ABCG1: variants seen among roughly 807,000 people sequenced by gnomAD.
ABCG1 encodes ATP binding cassette subfamily G member 1.
A neutral mutation model predicts 69.2 loss-of-function variants in ABCG1; 29 were observed. The ratio of observed to expected loss-of-function variants is 0.42; its 90% confidence interval spans 0.31 to 0.57. The LOEUF (loss-of-function observed/expected upper bound fraction) is 0.57. ABCG1 is among the 20% of genes least tolerant of loss of function. The pLI is 0.15. For synonymous variants in ABCG1, 370 were observed against 374.8 expected (o/e 0.99, Z 0.15); for missense variants, 718 against 898.1 (o/e 0.80, Z 2.56).
At position 42,294,965 on chromosome 21, in the gene ABCG1, C is replaced by G; in HGVS notation, c.1772+305C>G. 8.8e-6 allele frequency: 3 copies of G among 342,134 alleles called. No individual in the cohort carries two copies. The South Asian group carries it at 9.1e-5, about 10-fold the overall frequency. 21.2% of individuals were successfully genotyped at this position (342,134 alleles called of 1,614,324 possible). On this transcript the variant is annotated intron_variant, in intron 14 of 14. Coordinates refer to ENST00000398449, the MANE Select transcript of ABCG1 (RefSeq NM_016818.3). ...TGGAAGCGCTTCCATCTTTTAGGAA[C>G]GTTCTTCCTCCCCGAAGTGCCGAGT...
intron 2 of ABCG1, among the ~76,000 whole-genome samples, chr21:42,268,238 C>G (rs1469157322): frequency 2.0e-5 from 3 of 152,084 alleles, no homozygotes; most frequent in Non-Finnish European, 4.4e-5. Context: ...CTGAGCAGAG[C>G]TCAGGGGTGG....
intron 5 of ABCG1, among the ~76,000 whole-genome samples, chr21:42,278,370 T>C (rs546061230): frequency 1.3e-5 from 2 of 152,278 alleles, no homozygotes; most frequent in African/African-American, 4.8e-5. Context: ...ATGGCCTGAA[T>C]TCCCCCCAAA....
At chr21:42,212,963 G>A (rs1029422696), upstream of ABCG1, among the ~76,000 whole-genome samples, 2 of 152,210 alleles carry the variant, frequency 1.3e-5, no homozygotes, top group Non-Finnish European at 2.9e-5. Flanking sequence ...AAAGTGCTGG[G>A]ATTACAGGCA....
At chr21:42,237,380 C>T (rs1043770053) in intron 2 of ABCG1, among the ~76,000 whole-genome samples, 2 of 152,232 alleles carry the variant, frequency 1.3e-5, no homozygotes, top group African/African-American at 4.8e-5. Context: ...TTGGGCCACT[C>T]TCTCTACCAA....
chr21:42,294,674 G>C lies in ABCG1; in HGVS notation c.1772+14G>C, dbSNP rs1329141673. On this transcript the variant is annotated intron_variant, in intron 14 of 14. Coordinates refer to ENST00000398449, the MANE Select transcript of ABCG1 (RefSeq NM_016818.3). ...CTCCTATGTCAGGTAGCGGGCGTGG[G>C]GCACGCATGGCGTGGGGACCGAGGG... The C allele has an allele frequency of 6.2e-7, 1 of 1,609,210 alleles. No individual in the cohort carries two copies. Among genetic ancestry groups the C allele is most frequent in the Non-Finnish European group, 8.5e-7 (1 of 1,175,628 alleles).
chr21:42,203,247 T>A (rs151070948), intron 2 of ABCG1, among the ~76,000 whole-genome samples: 53 of 152,348 alleles, frequency 3.5e-4, no homozygotes, highest in African/African-American at 1.2e-3. Flanking sequence ...TATTTTCTCC[T>A]GGTCTGTTAT....
intron 2 of ABCG1, among the ~76,000 whole-genome samples, chr21:42,227,694 C>A (rs1478629820): frequency 6.6e-6 from 1 of 152,206 alleles, no homozygotes; most frequent in Non-Finnish European, 1.5e-5. Context: ...CTATAAAGAA[C>A]TACCTGAGAC....
Position 42,288,080 on chromosome 21 carries a change from C to A in ABCG1, c.1122+43C>A. 1 of 1,603,774 alleles carries A rather than the reference C, an allele frequency of 6.2e-7. No individual in the cohort carries two copies. Among genetic ancestry groups the A allele is most frequent in the Non-Finnish European group, 8.5e-7 (1 of 1,172,164 alleles). Reference sequence around the variant, plus strand: ...ATTAAAGGGGTTGAGAAAGGTAATGCAAATCCCGAAGCCCCCTGGGGGAGG... The same window carrying A: ...ATTAAAGGGGTTGAGAAAGGTAATGAAAATCCCGAAGCCCCCTGGGGGAGG... On this transcript the variant is annotated intron_variant, in intron 9 of 14. Transcript: ENST00000398449. This position sits in a 1 kb window ranked among gnomAD's most constrained non-coding sequence, Gnocchi z 4.8.
Position 42,252,902 on chromosome 21 carries a change from G to A in ABCG1, c.287-18168G>A, listed in dbSNP as rs147061035. ...GCCCAGGTGGTGTTGGGGCGAGTGA[G>A]GTTCTGGTGCTGGGGAAGCTGCTGC... On this transcript the variant is annotated intron_variant, in intron 2 of 14. Coordinates refer to ENST00000398449, the MANE Select transcript of ABCG1 (RefSeq NM_016818.3). 1.6e-3 allele frequency among the ~76,000 whole-genome samples: 250 copies of A among 152,292 alleles called. 1 individual carries two copies. The highest frequency in any genetic ancestry group is 5.8e-3 in the African/African-American group (243 of 41,568).
intron 2 of ABCG1, among the ~76,000 whole-genome samples, chr21:42,250,965 C>T (rs372215261): frequency 1.5e-3 from 225 of 152,266 alleles, no homozygotes; most frequent in African/African-American, 5.0e-3. Flanking sequence ...CTGGCAGGAA[C>T]GGCAGGGATC....
intron 2 of ABCG1, among the ~76,000 whole-genome samples, chr21:42,204,360 A>G (rs1601327122): frequency 6.6e-6 from 1 of 152,154 alleles, no homozygotes; most frequent in African/African-American, 2.4e-5. Context: ...GTTCACTATT[A>G]ATTATATTAT....
intron 2 of ABCG1, among the ~76,000 whole-genome samples, chr21:42,228,127 T>C (rs2067846072): frequency 6.6e-6 from 1 of 152,144 alleles, no homozygotes; most frequent in South Asian, 2.1e-4. Flanking sequence ...GGTAATGGCT[T>C]GTAGTGAGGG....
At chr21:42,239,040 G>C (rs1402723139) in intron 2 of ABCG1, among the ~76,000 whole-genome samples, 1 of 152,186 alleles carries the variant, frequency 6.6e-6, no homozygotes, top group Non-Finnish European at 1.5e-5. Context: ...GTGGAGCTTA[G>C]TTAAAATTTT....
chr21:42,219,120 G>T, upstream of ABCG1: 1 of 768,096 alleles, frequency 1.3e-6, no homozygotes, highest in Non-Finnish European at 1.7e-6. The surrounding 1 kb of genome is among the most constrained non-coding windows in gnomAD (Gnocchi z 5.3). Flanking sequence ...TGGAACCAGA[G>T]CCGGAGCCGG....
At chr21:42,203,419 T>C (rs898808992) in intron 2 of ABCG1, among the ~76,000 whole-genome samples, 1 of 152,204 alleles carries the variant, frequency 6.6e-6, no homozygotes, top group Admixed American at 6.5e-5. Context: ...TGAAAGGTTA[T>C]TTCACATCTA....
chr21:42,265,131 G>A lies in ABCG1; in HGVS notation c.287-5939G>A, dbSNP rs1325000637. On this transcript the variant is annotated intron_variant, in intron 2 of 14. Coordinates refer to ENST00000398449, the MANE Select transcript of ABCG1 (RefSeq NM_016818.3). ...TCATAGGAGCTGCAGCTGTGCTCGG[G>A]CAGGGCTGCACCCCGATAACAGAGT... Among the ~76,000 whole-genome samples, 3 of 152,304 alleles carry A rather than the reference G, an allele frequency of 2.0e-5. No homozygotes were observed. The East Asian group carries it at 5.8e-4, about 29-fold the overall frequency.
chr21:42,226,654 C>A (rs1411914797), intron 2 of ABCG1, among the ~76,000 whole-genome samples: 3 of 152,014 alleles, frequency 2.0e-5, no homozygotes, highest in East Asian at 1.9e-4. Context: ...TGATCTGTTT[C>A]TTCTGTGGAA....
chr21:42,265,624 G>A (rs775543671), intron 2 of ABCG1, among the ~76,000 whole-genome samples: 2 of 152,186 alleles, frequency 1.3e-5, no homozygotes, highest in Non-Finnish European at 2.9e-5. Flanking sequence ...GGCACTTCCA[G>A]TGAGGACTTC....
rs2067693212 is a variant in ABCG1, at chr21:42,219,863, C to A, written c.42+559C>A. ...CCGGGGACACCCTCTCCCGGACCCACTCGGGGAGGCGGCGGCGAAGGCCCG... is the reference window on the plus strand; with the variant it reads ...CCGGGGACACCCTCTCCCGGACCCAATCGGGGAGGCGGCGGCGAAGGCCCG... On this transcript the variant is annotated intron_variant, in intron 1 of 14. Transcript: ENST00000398449. This position sits in a 1 kb window ranked among gnomAD's most constrained non-coding sequence, Gnocchi z 5.3. 6.5e-7 allele frequency: 1 copy of A among 1,532,488 alleles called. No individual in the cohort carries two copies. The highest frequency in any genetic ancestry group is 2.0e-5 in the Admixed American group (1 of 50,194). The allele number at this position is 1,532,488 out of a possible 1,614,324, so 94.9% of individuals were successfully genotyped here. A position where few individuals can be genotyped will look rare whatever the true frequency, so the allele number is the denominator to read the frequency against.
Sources: allele counts gnomAD v4.1 joint callset (sites outside exome capture counted in the v4.1 genomes callset), GRCh38; gene constraint gnomAD v4.1.1; non-coding constraint Gnocchi (gnomAD v3.1); transcripts MANE v1.5; gene names NCBI Gene and HGNC (gene_info 2026-07-23, HGNC 2026-07-21).